The following USP34 variants were observed in gnomAD, a reference collection of about 807,000 sequenced individuals.
The protein encoded by USP34 is ubiquitin specific peptidase 34.
In USP34, 70 loss-of-function variants were observed where a neutral mutation model predicts 460.3. The observed-to-expected ratio is 0.15, with a 90% CI of 0.13 to 0.19. USP34 has a LOEUF of 0.19. Ranked by LOEUF, USP34 falls within the 10% of genes least tolerant of loss-of-function variation. The pLI is 1.00. For missense variants in USP34, 3,985 were observed against 4,236.2 expected (o/e 0.94, Z 1.65); for synonymous variants, 1,647 against 1,405.3 (o/e 1.17, Z -3.85).
intron 49 of USP34, among the ~76,000 whole-genome samples, chr2:61,247,685 A>T (rs1342487478): frequency 6.6e-6 from 1 of 152,138 alleles, no homozygotes; most frequent in African/African-American, 2.4e-5. Context: ...GTGTCACTGC[A>T]CCTGTCTAAT....
chr2:61,435,321 A>AAAAAAG (rs1694782624), intron 1 of USP34, among the ~76,000 whole-genome samples: 1 of 150,132 alleles, frequency 6.7e-6, no homozygotes, highest in Non-Finnish European at 1.5e-5. Flanking sequence ...AAAAAAAAAA[A>AAAAAAG]AAAAAAAAGA....
chr2:61,257,903 ACACT>A (rs1159899994), intron 44 of USP34, among the ~76,000 whole-genome samples: 1 of 152,198 alleles, frequency 6.6e-6, no homozygotes, highest in Non-Finnish European at 1.5e-5. Context: ...AACAAAAAAA[ACACT>A]CACATCTATA....
At position 61,388,249 on chromosome 2, in the gene USP34, A is replaced by T. The variant is rs987898402; in HGVS notation, c.754-4913T>A. Among the ~76,000 whole-genome samples the T allele has an allele frequency of 4.6e-5, 7 of 152,080 alleles. No homozygotes were observed. The South Asian group carries it at 1.0e-3, about 23-fold the overall frequency. ...CAAGAGTAAGACACTGTCTCAAAAA[A>T]TAATAAAATCACAATGAGCTACTAC... is the stretch of plus-strand genomic sequence containing the variant. On this transcript the variant is annotated intron_variant, in intron 5 of 79. Coordinates refer to ENST00000398571, the MANE Select transcript of USP34 (RefSeq NM_014709.4).
intron 2 of USP34, among the ~76,000 whole-genome samples, chr2:61,410,654 T>C (rs1694010066): frequency 1.3e-5 from 2 of 152,118 alleles, no homozygotes; most frequent in African/African-American, 2.4e-5. Flanking sequence ...AGCTTGATTT[T>C]ACACATAAAC....
intron 1 of USP34, among the ~76,000 whole-genome samples, chr2:61,464,375 T>G (rs886349451): frequency 6.6e-6 from 1 of 152,008 alleles, no homozygotes. Context: ...AATACAGATA[T>G]TGGAGTAGCT....
rs761928355 is a variant in USP34, at chr2:61,257,126, CA to C, written c.5992-19del. 1 of 1,569,886 alleles carries C rather than the reference CA, an allele frequency of 6.4e-7. No homozygotes were observed. The highest frequency in any genetic ancestry group is 8.6e-7 in the Non-Finnish European group (1 of 1,163,994). On this transcript the variant is annotated intron_variant, in intron 45 of 79. Transcript: ENST00000398571. ...GTATTTTTCTTTAATATAAAACAAA[CA>C]AAAAATAAGAAACTAGTTAAAACGC...
At chr2:61,461,997 T>C (rs1015350954) in intron 1 of USP34, among the ~76,000 whole-genome samples, 1 of 152,102 alleles carries the variant, frequency 6.6e-6, no homozygotes, top group African/African-American at 2.4e-5. Context: ...CACAGCATTT[T>C]AGGGGGCCGA....
intron 43 of USP34, among the ~76,000 whole-genome samples, chr2:61,264,909 C>G (rs1044329756): frequency 2.0e-5 from 3 of 151,876 alleles, no homozygotes; most frequent in Admixed American, 1.3e-4. Flanking sequence ...AGAATGAAAA[C>G]TAGAAAGTGA....
chr2:61,304,923 G>C (rs1223928693), intron 27 of USP34, among the ~76,000 whole-genome samples: 2 of 152,022 alleles, frequency 1.3e-5, no homozygotes, highest in Non-Finnish European at 2.9e-5. Context: ...AAAAAAAATA[G>C]CATTTCAAGA....
chr2:61,288,628 T>C, intron 34 of USP34, 49 bp downstream of exon 34: 1 of 1,578,364 alleles, frequency 6.3e-7, no homozygotes, highest in Non-Finnish European at 8.7e-7. Flanking sequence ...TTCTTCAGTT[T>C]ATAAAAATAA....
At chr2:61,259,619 C>T in intron 44 of USP34, 92 bp downstream of exon 44, 2 of 1,144,776 alleles carry the variant, frequency 1.7e-6, no homozygotes, top group Non-Finnish European at 2.5e-6. Context: ...CTCTTGAACT[C>T]AAGCCATCCA....
At chr2:61,466,119 C>T (rs1695754935) in intron 1 of USP34, among the ~76,000 whole-genome samples, 1 of 151,980 alleles carries the variant, frequency 6.6e-6, no homozygotes. Flanking sequence ...AGAATGACTA[C>T]GGTTAACAAT....
At position 61,405,974 on chromosome 2, in the gene USP34, C is replaced by G; in HGVS notation, c.286G>C (p.Asp96His). Residue 96 changes from aspartate to histidine, a missense_variant, in exon 3 of 80, where the codon GAT becomes CAT. Around this residue, in one of 14 missense-constraint regions of USP34, gnomAD observed 331 missense variants for 293.7 expected, o/e 1.13. Coordinates refer to ENST00000398571, the MANE Select transcript of USP34 (RefSeq NM_014709.4). ...TTINIDSTWQ[D>H]ESNQAEEPLN... is the part of the protein sequence containing the mutation. ...GGTTCTTCTGCTTGATTACTCTCAT[C>G]TTGCCACGTGGAATCTATGTTAATG... 6.2e-7 allele frequency: 1 copy of G among 1,613,650 alleles called. No individual in the cohort carries two copies. The highest frequency in any genetic ancestry group is 1.3e-5 in the African/African-American group (1 of 74,902).
chr2:61,299,173 G>A (rs574088016), intron 29 of USP34, among the ~76,000 whole-genome samples: 1 of 152,040 alleles, frequency 6.6e-6, no homozygotes, highest in South Asian at 2.1e-4. Flanking sequence ...GAAACAGAAG[G>A]CTCAATGGCA....
chr2:61,387,419 C>T (rs895664251), intron 5 of USP34, among the ~76,000 whole-genome samples: 3 of 151,480 alleles, frequency 2.0e-5, no homozygotes, highest in South Asian at 2.1e-4. Context: ...GAGCCAAGAT[C>T]GCACCACTGC....
At chr2:61,403,719 G>A (rs1044479840) in intron 3 of USP34, among the ~76,000 whole-genome samples, 3 of 152,000 alleles carry the variant, frequency 2.0e-5, no homozygotes, top group Non-Finnish European at 2.9e-5. Context: ...TGGGCGCAGC[G>A]GCTCACGCCT....
rs562755522 is a variant in USP34 at position 61,396,603 on chromosome 2, C to T, written c.553-1370G>A. Among the ~76,000 whole-genome samples, 41 of 151,988 alleles carry T rather than the reference C, an allele frequency of 2.7e-4. No individual in the cohort carries two copies. In the East Asian group the frequency reaches 7.6e-3, roughly 28 times the overall value. On this transcript the variant is annotated intron_variant, in intron 3 of 79. Coordinates refer to ENST00000398571, the MANE Select transcript of USP34 (RefSeq NM_014709.4). ...TCCTGGGTTCACGCCATTCTCCTGCCTCAGCCTCCAGAGTAGCCGGGATTA... is the reference window on the plus strand; with the variant it reads ...TCCTGGGTTCACGCCATTCTCCTGCTTCAGCCTCCAGAGTAGCCGGGATTA...
intron 62 of USP34, 109 bp downstream of exon 62, chr2:61,226,958 T>C: frequency 8.1e-7 from 1 of 1,234,248 alleles, no homozygotes; most frequent in Non-Finnish European, 1.1e-6. Flanking sequence ...AACAATTACA[T>C]AATTAAACAT....
intron 29 of USP34, among the ~76,000 whole-genome samples, chr2:61,300,211 G>C (rs936919852): frequency 6.6e-6 from 1 of 152,126 alleles, no homozygotes; most frequent in Non-Finnish European, 1.5e-5. Context: ...TCCACTTTGA[G>C]TAAAATGGAA....
Sources: allele counts gnomAD v4.1 joint callset (sites outside exome capture counted in the v4.1 genomes callset), GRCh38; gene constraint gnomAD v4.1.1; regional missense constraint gnomAD v4.1.1; transcripts MANE v1.5; gene names NCBI Gene and HGNC (gene_info 2026-07-23, HGNC 2026-07-21).